The following ITPR1 variants were observed in gnomAD, a reference collection of about 807,000 sequenced individuals.
ITPR1 encodes inositol 1,4,5-trisphosphate-gated calcium channel ITPR1.
In ITPR1, 96 loss-of-function variants were observed where a neutral mutation model predicts 318.4. The observed-to-expected ratio is 0.30, with a 90% CI of 0.26 to 0.36. The LOEUF (loss-of-function observed/expected upper bound fraction) is 0.36. Among genes scored for constraint, ITPR1 ranks in the 10% least tolerant of loss-of-function variants. The probability of loss-of-function intolerance (pLI) is 1.00; values close to 1 mark genes in which losing one functional copy is unlikely to be tolerated. For synonymous variants in ITPR1, 1,312 were observed against 1,289.9 expected (o/e 1.02, Z -0.37); for missense variants, 2,440 against 3,460.2 (o/e 0.71, Z 7.40).
intron 2 of ITPR1, among the ~76,000 whole-genome samples, chr3:4,508,455 G>GTTTTTTT (rs4054897): frequency 1.6e-5 from 2 of 125,758 alleles, no homozygotes; most frequent in East Asian, 2.3e-4. Context: ...GAAAATCAAG[G>GTTTTTTT]TTTTTTTTTT....
rs745891343 is a variant in ITPR1 at position 4,639,441 on chromosome 3, A to G, written c.337A>G (p.Thr113Ala). ...NETENRKLLG[T>A]VIQYGNVIQL... The stretch of plus-strand genomic sequence containing the variant: ...GACAGAAAACAGGAAATTGCTGGGG[A>G]CCGTAATCCAGTATGGCAATGTGAT... Residue 113 changes from threonine (T) to alanine (A), a missense_variant, in exon 6 of 62, where the codon ACC becomes GCC. This residue lies in a region of ITPR1 where 186 missense variants were observed against 323.9 expected (regional missense o/e 0.57). Coordinates refer to ENST00000649015, the MANE Select transcript of ITPR1 (RefSeq NM_001378452.1). The G allele has an allele frequency of 8.2e-6, 13 of 1,582,128 alleles. No individual in the cohort carries two copies. Among genetic ancestry groups the G allele is most frequent in the African/African-American group, 2.7e-5 (2 of 74,206 alleles).
At chr3:4,505,071 G>T (rs1423970447) in intron 2 of ITPR1, among the ~76,000 whole-genome samples, 2 of 151,216 alleles carry the variant, frequency 1.3e-5, no homozygotes, top group Admixed American at 6.6e-5. Flanking sequence ...GTGCCTTTTT[G>T]TCTTCGTCCT....
At chr3:4,735,661 A>G in intron 44 of ITPR1, 1 of 323,558 alleles carries the variant, frequency 3.1e-6, no homozygotes, top group Non-Finnish European at 5.8e-6. Flanking sequence ...GAATAAGTAA[A>G]TGATTGCATG....
chr3:4,737,391 G>A (rs997414161), intron 44 of ITPR1, among the ~76,000 whole-genome samples: 1 of 152,186 alleles, frequency 6.6e-6, no homozygotes, highest in African/African-American at 2.4e-5. Context: ...GGGCTTTCAA[G>A]GATGGACATG....
Position 4,735,194 on chromosome 3 carries a change from G to A in ITPR1, c.5384G>A (p.Arg1795Lys), listed in dbSNP as rs767312156. 3.1e-5 allele frequency: 50 copies of A among 1,613,860 alleles called. No homozygotes were observed. The highest frequency in any genetic ancestry group is 4.2e-5 in the Non-Finnish European group (49 of 1,179,854). The change falls in exon 44 of 62, where the codon AGG (arginine) becomes AAG (lysine). Residue 1795 changes from arginine (R) to lysine (K), a missense_variant. By Grantham distance (26) the Arg-to-Lys change is conservative. This residue lies in a region of ITPR1 where 166 missense variants were observed against 143.7 expected (regional missense o/e 1.16). Coordinates refer to ENST00000649015, the MANE Select transcript of ITPR1 (RefSeq NM_001378452.1). ...GGGSGSSSMS[R>K]GEMSLAEVQC... ...GGTTCCGGATCCAGCTCTATGAGCA[G>A]GGGTGAGATGAGTCTGGCCGAGGTT...
intron 4 of ITPR1, among the ~76,000 whole-genome samples, chr3:4,604,660 T>A (rs73104456): frequency 0.034 from 5,211 of 151,838 alleles, 297 homozygotes; most frequent in African/African-American, 0.12. Context: ...TGGTGTGGGG[T>A]CATCTTAGCT....
intron 2 of ITPR1, among the ~76,000 whole-genome samples, chr3:4,514,323 A>G (rs969844034): frequency 2.6e-5 from 4 of 152,230 alleles, no homozygotes; most frequent in African/African-American, 9.6e-5. Context: ...AATGCCAGCT[A>G]TTATTATCAG....
intron 4 of ITPR1, among the ~76,000 whole-genome samples, chr3:4,543,351 A>G (rs907853244): frequency 3.6e-4 from 55 of 152,202 alleles, no homozygotes; most frequent in African/African-American, 9.2e-4. Context: ...CTCTGGGTCA[A>G]TCTGCTTAGG....
At chr3:4,687,503 T>G (rs6805394) in intron 30 of ITPR1, among the ~76,000 whole-genome samples, 150,269 of 152,238 alleles carry the variant, frequency 0.99, 74,211 homozygotes, top group East Asian at 1. Context: ...TCAGGTTTGG[T>G]GACCTGCATT....
intron 44 of ITPR1, among the ~76,000 whole-genome samples, chr3:4,760,267 A>C (rs375024063): frequency 6.6e-6 from 1 of 152,354 alleles, no homozygotes; most frequent in East Asian, 1.9e-4. Context: ...CTCTGGAATC[A>C]AATGTGATTT....
intron 4 of ITPR1, among the ~76,000 whole-genome samples, chr3:4,579,757 CT>C (rs2089096627): frequency 6.6e-6 from 1 of 152,078 alleles, no homozygotes; most frequent in African/African-American, 2.4e-5. Flanking sequence ...TGGGTTCTTT[CT>C]GGTGCTGTTT....
chr3:4,777,234 G>A (rs1398634044), intron 47 of ITPR1, 30 bp from the exon 48 acceptor site: 3 of 1,350,566 alleles, frequency 2.2e-6, no homozygotes, highest in East Asian at 2.4e-5. Context: ...ACCAGCGTTT[G>A]TGTGAATGTC....
chr3:4,596,327 TG>T (rs2090815010), intron 4 of ITPR1: 1 of 152,242 alleles, frequency 6.6e-6, no homozygotes, highest in Non-Finnish European at 1.5e-5. Flanking sequence ...TTTTCTTTCC[TG>T]CTTTTAAAGT....
chr3:4,630,329 G>T (rs2092974031), intron 5 of ITPR1, among the ~76,000 whole-genome samples: 1 of 151,848 alleles, frequency 6.6e-6, no homozygotes, highest in African/African-American at 2.4e-5. Context: ...AATCACAAAA[G>T]ACATAATCTC....
chr3:4,809,065 T>A (rs1336056741), intron 55 of ITPR1, among the ~76,000 whole-genome samples: 3 of 152,174 alleles, frequency 2.0e-5, no homozygotes, highest in Non-Finnish European at 4.4e-5. Flanking sequence ...AACAGCGCAA[T>A]CCTGTGTTTT....
intron 4 of ITPR1, among the ~76,000 whole-genome samples, chr3:4,617,152 G>T (rs544812377): frequency 6.6e-6 from 1 of 152,204 alleles, no homozygotes; most frequent in South Asian, 2.1e-4. Context: ...CCCAGTGTGA[G>T]CATTCATCAG....
chr3:4,763,218 G>A (rs1229094171), intron 44 of ITPR1, among the ~76,000 whole-genome samples: 1 of 152,148 alleles, frequency 6.6e-6, no homozygotes, highest in African/African-American at 2.4e-5. Context: ...CAGGAGTTGG[G>A]GGAGAGCATT....
intron 1 of ITPR1, among the ~76,000 whole-genome samples, chr3:4,493,980 G>A (rs141686009): frequency 5.5e-5 from 8 of 145,158 alleles, no homozygotes; most frequent in Non-Finnish European, 1.0e-4. Flanking sequence ...TCCCTCTCTT[G>A]CGCTCCGTGG....
At chr3:4,598,192 C>T (rs151144478) in intron 4 of ITPR1, among the ~76,000 whole-genome samples, 4 of 152,342 alleles carry the variant, frequency 2.6e-5, no homozygotes, top group East Asian at 1.9e-4. Flanking sequence ...AGCAAATCCT[C>T]CTCTGTGACC....
Sources: allele counts gnomAD v4.1 joint callset (sites outside exome capture counted in the v4.1 genomes callset), GRCh38; gene constraint gnomAD v4.1.1; regional missense constraint gnomAD v4.1.1; transcripts MANE v1.5; gene names NCBI Gene and HGNC (gene_info 2026-07-23, HGNC 2026-07-21).